Variants in PLEKHA7 observed in about 807,000 individuals in gnomAD.
PLEKHA7 encodes the protein pleckstrin homology domain-containing family A member 7.
Under a neutral mutation model 170.0 loss-of-function variants are expected in PLEKHA7, and 104 were observed. The observed-to-expected ratio is 0.61, with a 90% confidence interval of 0.52 to 0.72. The LOEUF is 0.72. Among genes scored for constraint, PLEKHA7 ranks in the 30% least tolerant of loss-of-function variants. The pLI is 0.00. For synonymous variants in PLEKHA7, 648 were observed against 660.8 expected (o/e 0.98, Z 0.30); for missense variants, 1,615 against 1,671.7 (o/e 0.97, Z 0.59).
At chr11:16,937,023 C>T (rs1374988344) in intron 3 of PLEKHA7, among the ~76,000 whole-genome samples, 1 of 152,238 alleles carries the variant, frequency 6.6e-6, no homozygotes, top group African/African-American at 2.4e-5. Context: ...GGACTACCAG[C>T]AACATGTATC....
intron 3 of PLEKHA7, among the ~76,000 whole-genome samples, chr11:16,953,442 C>A (rs1170434947): frequency 6.6e-6 from 1 of 152,088 alleles, no homozygotes; most frequent in South Asian, 2.1e-4. Flanking sequence ...AGAAAATGAA[C>A]ACAATAAGAA....
chr11:16,821,672 C>T (rs1850224905), intron 10 of PLEKHA7, among the ~76,000 whole-genome samples: 2 of 152,042 alleles, frequency 1.3e-5, no homozygotes, highest in Admixed American at 1.3e-4. Flanking sequence ...TTATTCAGCA[C>T]CTAGATCTAT....
chr11:16,801,575 T>C, intron 16 of PLEKHA7, 93 bp downstream of exon 16: 1 of 1,498,964 alleles, frequency 6.7e-7, no homozygotes. Flanking sequence ...CTCTTGCCTC[T>C]GGACACCAAC....
rs536746053 is a variant in PLEKHA7 at position 16,959,050 on chromosome 11, C to T, written c.221+54939G>A. 3.9e-5 allele frequency among the ~76,000 whole-genome samples: 6 copies of T among 152,288 alleles called. No homozygotes were observed. The South Asian group carries it at 8.3e-4, about 21-fold the overall frequency. On this transcript the variant is annotated intron_variant, in intron 3 of 26. Coordinates refer to ENST00000531066, the MANE Select transcript of PLEKHA7 (RefSeq NM_001329630.2). ...ACCCTTTCAGACGTTAGCCCAGCTT[C>T]CCTGACACCACTGTTGTTTCGTTTT...
rs761637350 is a variant in PLEKHA7 at position 16,826,449 on chromosome 11, C to T, written c.1014G>A (p.Gln338=). ...GHDDIVNFER[Q]EQEGEQYRSQ... Reference sequence around the variant, plus strand: ...AACGGTACTGCTCTCCCTCCTGCTCCTGCCTCTCGAAGTTGACAATGTCAT... The same window carrying T: ...AACGGTACTGCTCTCCCTCCTGCTCTTGCCTCTCGAAGTTGACAATGTCAT... Residue 338 remains glutamine, a synonymous_variant, in exon 10 of 27, where the codon CAG becomes CAA. Transcript: ENST00000531066. The T allele has an allele frequency of 6.2e-7, 1 of 1,614,140 alleles. No individual in the cohort carries two copies. Among genetic ancestry groups the T allele is most frequent in the Admixed American group, 1.7e-5 (1 of 60,002 alleles).
chr11:16,810,917 G>A (rs528697968), intron 13 of PLEKHA7, among the ~76,000 whole-genome samples: 37 of 152,230 alleles, frequency 2.4e-4, no homozygotes, highest in African/African-American at 8.9e-4. Context: ...TCGGAGTCAC[G>A]GTCCATTAAA....
In PLEKHA7 at chr11:16,859,391, C is replaced by T. The variant is rs202211006; in HGVS notation, c.306-3477G>A. On this transcript the variant is annotated intron_variant, in intron 4 of 26. Coordinates refer to ENST00000531066, the MANE Select transcript of PLEKHA7 (RefSeq NM_001329630.2). The stretch of plus-strand genomic sequence containing the variant: ...ACAACTAGTTAAAAAAAATGGTGGT[C>T]GTGCTTGGGGATGCCATTTGTTATC... Among the ~76,000 whole-genome samples the T allele has an allele frequency of 1.1e-4, 17 of 152,288 alleles. No individual in the cohort carries two copies. In the East Asian group the frequency reaches 1.9e-3, roughly 17 times the overall value.
intron 3 of PLEKHA7, among the ~76,000 whole-genome samples, chr11:16,916,887 A>G (rs538561625): frequency 2.6e-5 from 4 of 152,266 alleles, no homozygotes; most frequent in Admixed American, 2.6e-4. Flanking sequence ...AGAATCCTGG[A>G]TTAATAGCCC....
intron 26 of PLEKHA7, among the ~76,000 whole-genome samples, chr11:16,781,902 G>A (rs1174970618): frequency 6.6e-6 from 1 of 152,136 alleles, no homozygotes; most frequent in African/African-American, 2.4e-5. Context: ...CCCAGAAGAA[G>A]CACACCTGGC....
intron 9 of PLEKHA7, among the ~76,000 whole-genome samples, chr11:16,832,127 CAT>C (rs1177308411): frequency 6.6e-6 from 1 of 152,230 alleles, no homozygotes; most frequent in Non-Finnish European, 1.5e-5. Context: ...GGATGCAAGT[CAT>C]ATGCTAAAAA....
chr11:16,832,121 G>A (rs565644591), intron 9 of PLEKHA7, among the ~76,000 whole-genome samples: 18 of 152,344 alleles, frequency 1.2e-4, no homozygotes, highest in Non-Finnish European at 2.4e-4. Context: ...AAATAAGGAT[G>A]CAAGTCATAT....
intron 3 of PLEKHA7, among the ~76,000 whole-genome samples, chr11:16,892,432 G>GTTTTGTTTTGTTTTGTTTTGTTT (rs763934828): frequency 0.045 from 5,146 of 114,940 alleles, 166 homozygotes; most frequent in East Asian, 0.066. Context: ...GTGTGTGTGT[G>GTTTTGTTTTGTTTTGTTTTGTTT]TGTTTTGTTT....
At chr11:16,782,727 G>C in intron 26 of PLEKHA7, 27 bp downstream of exon 26, 3 of 1,535,174 alleles carry the variant, frequency 2.0e-6, no homozygotes, top group Non-Finnish European at 2.6e-6. Context: ...CAGGATCCAG[G>C]CCTTGGGGGC....
intron 26 of PLEKHA7, chr11:16,781,105 T>C: frequency 6.7e-6 from 5 of 751,862 alleles, no homozygotes; most frequent in Non-Finnish European, 8.1e-6. Flanking sequence ...CATCAGCTCC[T>C]GCAGCACCAG....
At chr11:16,894,462 T>C (rs751365525) in intron 3 of PLEKHA7, among the ~76,000 whole-genome samples, 4 of 152,178 alleles carry the variant, frequency 2.6e-5, no homozygotes, top group Non-Finnish European at 5.9e-5. Flanking sequence ...ATGTTTCTGG[T>C]TTTATTCTTT....
chr11:16,838,780 G>A (rs556987434), intron 9 of PLEKHA7, among the ~76,000 whole-genome samples: 2 of 138,984 alleles, frequency 1.4e-5, no homozygotes, highest in African/African-American at 2.6e-5. Context: ...TCTGCCTCCC[G>A]GGTTCACGCC....
At chr11:16,951,414 A>C (rs1280472778) in intron 3 of PLEKHA7, among the ~76,000 whole-genome samples, 2 of 152,224 alleles carry the variant, frequency 1.3e-5, no homozygotes. Context: ...TCTACCAAGC[A>C]CTTACCACGA....
intron 3 of PLEKHA7, among the ~76,000 whole-genome samples, chr11:16,929,296 G>A (rs1414011528): frequency 6.6e-6 from 1 of 152,152 alleles, no homozygotes; most frequent in Non-Finnish European, 1.5e-5. Flanking sequence ...TACCTCCTGG[G>A]CTATGCTTAT....
intron 10 of PLEKHA7, among the ~76,000 whole-genome samples, chr11:16,823,337 C>T (rs1850389551): frequency 6.6e-6 from 1 of 152,108 alleles, no homozygotes. Context: ...ATACTGATAC[C>T]TTGACCTCAC....
Sources: gnomAD v4.1 joint callset for allele counts (sites outside exome capture counted in the v4.1 genomes callset) on GRCh38, gnomAD v4.1.1 for gene constraint, MANE v1.5 for transcripts, NCBI Gene and HGNC (gene_info 2026-07-23, HGNC 2026-07-21) for gene names.